PHACTR2: variants seen among roughly 807,000 people sequenced by gnomAD.
PHACTR2 encodes phosphatase and actin regulator 2, also known as chromosome 6 open reading frame 56.
PHACTR2 carries 30 observed loss-of-function variants against 76.0 expected under a neutral mutation model. The ratio of observed to expected loss-of-function variants is 0.39; its 90% confidence interval spans 0.30 to 0.54. The LOEUF (loss-of-function observed/expected upper bound fraction) is 0.54, where lower values mean the gene tolerates loss of function less well. PHACTR2 is among the 20% of genes least tolerant of loss of function. The pLI, the probability that PHACTR2 is intolerant of heterozygous loss-of-function variation, is 0.61. For synonymous variants in PHACTR2, 292 were observed against 292.5 expected (o/e 1.00, Z 0.02); for missense variants, 696 against 781.1 (o/e 0.89, Z 1.30).
In PHACTR2 at chr6:143,678,436, C is replaced by A. The variant is rs1265812851; in HGVS notation, c.46+227C>A. ...AAGGCACAGGCTCCATTTTTCTGTG[C>A]GCGATGCCTCGCTGTGGTTTTTTAT... On this transcript the variant is annotated intron_variant, in intron 1 of 12. Coordinates refer to ENST00000440869, the MANE Select transcript of PHACTR2 (RefSeq NM_001100164.2). This position sits in a 1 kb window ranked among gnomAD's most constrained non-coding sequence, Gnocchi z 6.2. Among the ~76,000 whole-genome samples the A allele has an allele frequency of 6.7e-6, 1 of 149,748 alleles. No individual in the cohort carries two copies. Among genetic ancestry groups the A allele is most frequent in the Non-Finnish European group, 1.5e-5 (1 of 67,126 alleles).
chr6:143,654,251 A>C lies in PHACTR2; in HGVS notation c.13+45929A>C, dbSNP rs1023290870. On this transcript the variant is annotated intron_variant, in intron 1 of 11. Coordinates refer to the PHACTR2 transcript ENST00000305766. This position sits in a 1 kb window ranked among gnomAD's most constrained non-coding sequence, Gnocchi z 4.6. ...TGGAGAAATTGATGGTGGAAATTTA[A>C]AATGATATAGTCACTTTAGAAAACA... Among the ~76,000 whole-genome samples the C allele has an allele frequency of 1.3e-5, 2 of 152,200 alleles. No individual in the cohort carries two copies. Among genetic ancestry groups the C allele is most frequent in the Admixed American group, 6.5e-5 (1 of 15,272 alleles).
intron 1 of PHACTR2, among the ~76,000 whole-genome samples, chr6:143,576,866 A>T: frequency 8.5e-6 from 1 of 117,652 alleles, no homozygotes; most frequent in East Asian, 2.7e-4. Flanking sequence ...ACAGAGTGAG[A>T]CTCTGTCTCA....
intron 1 of PHACTR2, among the ~76,000 whole-genome samples, chr6:143,649,647 C>T (rs1344118498): frequency 1.3e-5 from 2 of 152,164 alleles, no homozygotes; most frequent in Admixed American, 6.6e-5. Context: ...TTCAACATCG[C>T]TTCATGTTAG....
rs1776897660 is a variant in PHACTR2 at position 143,658,885 on chromosome 6, C to G, written c.13+50563C>G. On this transcript the variant is annotated intron_variant, in intron 1 of 11. Coordinates refer to the PHACTR2 transcript ENST00000305766. The surrounding 1 kb of genome is among the most constrained non-coding windows in gnomAD (Gnocchi z 4.1). The stretch of plus-strand genomic sequence containing the variant: ...ACTAAAAATACAAAACTTAGCCGGT[C>G]AGGGTGGCATGCGCCTATAATCTCA... Among the ~76,000 whole-genome samples, 1 of 151,904 alleles carries G rather than the reference C, an allele frequency of 6.6e-6. No homozygotes were observed. Among genetic ancestry groups the G allele is most frequent in the South Asian group, 2.1e-4 (1 of 4,820 alleles).
At position 143,689,157 on chromosome 6, in the gene PHACTR2, T is replaced by C. The variant is rs1210076949; in HGVS notation, c.46+10948T>C. Among the ~76,000 whole-genome samples the C allele has an allele frequency of 6.6e-6, 1 of 152,210 alleles. No individual in the cohort carries two copies. The highest frequency in any genetic ancestry group is 1.5e-5 in the Non-Finnish European group (1 of 68,032). The stretch of plus-strand genomic sequence containing the variant: ...GTTTCGGCTGGATCCTTGTGCTTCA[T>C]AGAGACCTTCCCTGCCTACCCCTCT... On this transcript the variant is annotated intron_variant, in intron 1 of 12. Transcript: ENST00000440869. This position sits in a 1 kb window ranked among gnomAD's most constrained non-coding sequence, Gnocchi z 4.4.
At chr6:143,674,684 G>A (rs1777210994), upstream of PHACTR2, among the ~76,000 whole-genome samples, 1 of 152,096 alleles carries the variant, frequency 6.6e-6, no homozygotes, top group South Asian at 2.1e-4. This position sits in a 1 kb window ranked among gnomAD's most constrained non-coding sequence, Gnocchi z 4.9. Flanking sequence ...TCACACAGCT[G>A]GCAGCATCTG....
chr6:143,559,690 C>CTTTTTTTTTTT (rs5880566), intron 1 of PHACTR2, among the ~76,000 whole-genome samples: 7 of 31,902 alleles, frequency 2.2e-4, no homozygotes, highest in Non-Finnish European at 2.7e-4. Context: ...TTTTTCTTTT[C>CTTTTTTTTTTT]TTTTTTTTTT....
At chr6:143,668,401 G>A (rs1363804365) in intron 1 of PHACTR2, among the ~76,000 whole-genome samples, 2 of 152,072 alleles carry the variant, frequency 1.3e-5, no homozygotes, top group Middle Eastern at 3.2e-3. Flanking sequence ...AATGAGTTAG[G>A]GAGGAGTCCC....
chr6:143,693,652 C>CT (rs1220773470), intron 1 of PHACTR2, among the ~76,000 whole-genome samples: 1 of 152,172 alleles, frequency 6.6e-6, no homozygotes, highest in South Asian at 2.1e-4. Context: ...CATCCATTGT[C>CT]TTTTTTCTGA....
chr6:143,732,456 C>T lies in PHACTR2; in HGVS notation c.215-16529C>T, dbSNP rs111575302. On this transcript the variant is annotated intron_variant, in intron 2 of 12. Coordinates refer to ENST00000440869, the MANE Select transcript of PHACTR2 (RefSeq NM_001100164.2). ...ATCTATGTTGTAGCGTGTATCAGTACATCATTTCATTATCAAATACCAAAC... is the reference window on the plus strand; with the variant it reads ...ATCTATGTTGTAGCGTGTATCAGTATATCATTTCATTATCAAATACCAAAC... Among the ~76,000 whole-genome samples, 982 of 152,304 alleles carry T rather than the reference C, an allele frequency of 6.4e-3. 12 individuals carry two copies. The highest frequency in any genetic ancestry group is 0.022 in the African/African-American group (916 of 41,546).
At chr6:143,677,567 T>C (rs1369138257), upstream of PHACTR2, among the ~76,000 whole-genome samples, 1 of 152,116 alleles carries the variant, frequency 6.6e-6, no homozygotes, top group African/African-American at 2.4e-5. Flanking sequence ...AAAAATTATA[T>C]TTGTTAAAAG....
rs1775561480 is a variant in PHACTR2, at chr6:143,580,604, C to G, written c.217+43397C>G. Among the ~76,000 whole-genome samples the G allele has an allele frequency of 1.3e-5, 2 of 152,170 alleles. No homozygotes were observed. The highest frequency in any genetic ancestry group is 4.1e-4 in the South Asian group (2 of 4,828). On this transcript the variant is annotated intron_variant, in intron 1 of 11. Transcript: ENST00000367584. The surrounding 1 kb of genome is among the most constrained non-coding windows in gnomAD (Gnocchi z 4.2). ...AGGAGAATTGCTTGAACCCGGGAGGCAGAGGTTGCAGTGAACTGAGATCAT... is the reference window on the plus strand; with the variant it reads ...AGGAGAATTGCTTGAACCCGGGAGGGAGAGGTTGCAGTGAACTGAGATCAT...
In PHACTR2 at chr6:143,561,594, G is replaced by A. The variant is rs1775277057; in HGVS notation, c.217+24387G>A. 1 of 152,438 alleles carries A rather than the reference G, an allele frequency of 6.6e-6. No homozygotes were observed. Among genetic ancestry groups the A allele is most frequent in the South Asian group, 2.1e-4 (1 of 4,838 alleles). The allele number at this position is 152,438 out of a possible 1,614,324, so 9.4% of individuals were successfully genotyped here. A position where few individuals can be genotyped will look rare whatever the true frequency, so the allele number is the denominator to read the frequency against. On this transcript the variant is annotated intron_variant, in intron 1 of 11. Transcript: ENST00000367584. The surrounding 1 kb of genome is among the most constrained non-coding windows in gnomAD (Gnocchi z 4.1). ...CCTCCCTGGAGCTGGGCATAGTGAA[G>A]TCTCTGGGGAGGGCAGCACCCACAG...
chr6:143,570,758 G>A lies in PHACTR2; in HGVS notation c.217+33551G>A, dbSNP rs1775437342. On this transcript the variant is annotated intron_variant, in intron 1 of 11. Coordinates refer to the PHACTR2 transcript ENST00000367584. This position sits in a 1 kb window ranked among gnomAD's most constrained non-coding sequence, Gnocchi z 4.6. Reference sequence around the variant, plus strand: ...CAAGTGGAGAAGTAGCAGGTTCATCGACTCGTTCTGGTAGGGGGCCTCTAT... The same window carrying A: ...CAAGTGGAGAAGTAGCAGGTTCATCAACTCGTTCTGGTAGGGGGCCTCTAT... 2.6e-5 allele frequency among the ~76,000 whole-genome samples: 4 copies of A among 152,112 alleles called. No individual in the cohort carries two copies. Among genetic ancestry groups the A allele is most frequent in the Admixed American group, 2.6e-4 (4 of 15,274 alleles).
chr6:143,687,498 G>A (rs1777551258), intron 1 of PHACTR2, among the ~76,000 whole-genome samples: 1 of 152,134 alleles, frequency 6.6e-6, no homozygotes, highest in Non-Finnish European at 1.5e-5. Context: ...TGATATTAAG[G>A]ATAGAAATAG....
At chr6:143,670,800 G>A (rs1253330075) in intron 1 of PHACTR2, among the ~76,000 whole-genome samples, 2 of 152,044 alleles carry the variant, frequency 1.3e-5, no homozygotes, top group Non-Finnish European at 2.9e-5. Context: ...TGCTCCTTTA[G>A]CTCAGAGGAG....
rs1485576201 is a variant in PHACTR2, at chr6:143,800,814, GT to G, written c.1846-6238del. On this transcript the variant is annotated intron_variant, in intron 11 of 12. Transcript: ENST00000440869. The surrounding 1 kb of genome is among the most constrained non-coding windows in gnomAD (Gnocchi z 4.8). ...ATCAGTGGTCTTTACAATTTGGCAT[GT>G]TTTTGCAGTGGCTGGGACTGGTTGT... Among the ~76,000 whole-genome samples the G allele has an allele frequency of 1.3e-5, 2 of 152,198 alleles. No individual in the cohort carries two copies. Among genetic ancestry groups the G allele is most frequent in the Non-Finnish European group, 2.9e-5 (2 of 68,028 alleles).
Position 143,633,180 on chromosome 6 carries a change from G to T in PHACTR2, c.13+24858G>T, listed in dbSNP as rs1398983071. 6.6e-6 allele frequency among the ~76,000 whole-genome samples: 1 copy of T among 152,186 alleles called. No homozygotes were observed. Among genetic ancestry groups the T allele is most frequent in the African/African-American group, 2.4e-5 (1 of 41,436 alleles). On this transcript the variant is annotated intron_variant, in intron 1 of 11. Transcript: ENST00000305766. This position sits in a 1 kb window ranked among gnomAD's most constrained non-coding sequence, Gnocchi z 4.1. ...AGTATATTTAGTTTTATAAGAAACT[G>T]CTAAACTGTCTTCCAAAGTGGCTGT...
rs1230895649 is a variant in PHACTR2 at position 143,783,325 on chromosome 6, T to A, written c.1707+45T>A. 1 of 1,147,524 alleles carries A rather than the reference T, an allele frequency of 8.7e-7. No individual in the cohort carries two copies. Among genetic ancestry groups the A allele is most frequent in the African/African-American group, 1.5e-5 (1 of 65,288 alleles). 71.1% of individuals were successfully genotyped at this position (1,147,524 alleles called of 1,614,324 possible). Reference sequence around the variant, plus strand: ...TAATGAGCATATGTGTTTTGAGATATACTTTTAAAAAAAAATACTAATCCT... The same window carrying A: ...TAATGAGCATATGTGTTTTGAGATAAACTTTTAAAAAAAAATACTAATCCT... On this transcript the variant is annotated intron_variant, in intron 10 of 12. Coordinates refer to ENST00000440869, the MANE Select transcript of PHACTR2 (RefSeq NM_001100164.2). This position sits in a 1 kb window ranked among gnomAD's most constrained non-coding sequence, Gnocchi z 5.2.
Sources: gnomAD v4.1 joint callset for allele counts (sites outside exome capture counted in the v4.1 genomes callset) on GRCh38, gnomAD v4.1.1 for gene constraint, Gnocchi (gnomAD v3.1) non-coding constraint, MANE v1.5 for transcripts, NCBI Gene and HGNC (gene_info 2026-07-23, HGNC 2026-07-21) for gene names.